Variants in ZNF469 observed in about 807,000 individuals in gnomAD.
ZNF469 encodes the protein zinc finger protein 469.
In ZNF469, 1 loss-of-function variant was observed where a neutral mutation model predicts 1.0. The observed-to-expected ratio is 1.00, with a 90% confidence interval of 0.35 to 4.73. The LOEUF (loss-of-function observed/expected upper bound fraction) is 4.73, where lower values mean the gene tolerates loss of function less well. ZNF469 is among the 30% of genes most tolerant of loss of function. ZNF469 has a pLI of 0.16. For missense variants in ZNF469, 6,100 were observed against 5,356.3 expected, an observed-to-expected ratio of 1.14 and a Z score of -4.33; for synonymous variants, 2,703 against 2,363.4, an observed-to-expected ratio of 1.14 and a Z score of -4.17.
the ZNF469 span, among the ~76,000 whole-genome samples, chr16:88,105,800 C>T: frequency 2.0e-5 from 3 of 152,214 alleles, no homozygotes; most frequent in African/African-American, 4.8e-5. Context: ...GATAACGGCA[C>T]GTGTGCTACG....
chr16:88,107,107 C>T, the ZNF469 span, among the ~76,000 whole-genome samples: 158 of 152,188 alleles, frequency 1.0e-3, no homozygotes, highest in Non-Finnish European at 1.9e-3. Flanking sequence ...CGGGAGGTGC[C>T]GTGACTGTCC....
At chr16:88,273,688 T>G in the ZNF469 span, among the ~76,000 whole-genome samples, 1 of 152,110 alleles carries the variant, frequency 6.6e-6, no homozygotes, top group East Asian at 1.9e-4. Context: ...CAAAGAAACA[T>G]CCGCACACCC....
At chr16:88,289,371 G>A in the ZNF469 span, among the ~76,000 whole-genome samples, 1 of 151,926 alleles carries the variant, frequency 6.6e-6, no homozygotes. Flanking sequence ...TGATGATGGT[G>A]ATGATGGTGA....
the ZNF469 span, among the ~76,000 whole-genome samples, chr16:88,188,599 A>C: frequency 1.3e-5 from 2 of 152,174 alleles, no homozygotes; most frequent in African/African-American, 2.4e-5. Context: ...CCCAGGCACC[A>C]CTGCCAGGGA....
In ZNF469 at chr16:88,424,776, G is replaced by A. The variant is rs1268949168; in HGVS notation, c.-191-31G>A. ...TTGGTCCAGAGCCATGCACCACATC[G>A]GCCCTGACATGCTTTCCATTTTCTT... On this transcript the variant is annotated intron_variant, in intron 1 of 2. Coordinates refer to ENST00000565624, the MANE Select transcript of ZNF469 (RefSeq NM_001367624.2). This position sits in a 1 kb window ranked among gnomAD's most constrained non-coding sequence, Gnocchi z 4.3. 1.3e-5 allele frequency among the ~76,000 whole-genome samples: 2 copies of A among 152,112 alleles called. No individual in the cohort carries two copies. Among genetic ancestry groups the A allele is most frequent in the East Asian group, 1.9e-4 (1 of 5,182 alleles).
At chr16:88,188,573 C>T in the ZNF469 span, among the ~76,000 whole-genome samples, 10 of 152,200 alleles carry the variant, frequency 6.6e-5, no homozygotes, top group African/African-American at 2.4e-4. Context: ...TCTGGGAGTC[C>T]TGTTCAACCT....
the ZNF469 span, among the ~76,000 whole-genome samples, chr16:88,198,574 T>C: frequency 6.6e-6 from 1 of 152,214 alleles, no homozygotes; most frequent in Non-Finnish European, 1.5e-5. Flanking sequence ...AATGTAAATG[T>C]CTACCCATGG....
chr16:88,286,581 C>T, the ZNF469 span, among the ~76,000 whole-genome samples: 65 of 152,396 alleles, frequency 4.3e-4, no homozygotes, highest in African/African-American at 1.5e-3. Context: ...CCTGCCAGGG[C>T]TTTGTCAGTG....
rs1275132253 is a variant in ZNF469, at chr16:88,438,487, C to G, written c.11017C>G (p.Pro3673Ala). Reference protein sequence around the residue: ...GAFHKGSATKPAGCQSSSKDR... With the variant: ...GAFHKGSATKAAGCQSSSKDR... ...CTTCCACAAGGGCAGCGCCACCAAG[C>G]CTGCGGGCTGCCAGAGCTCATCAAA... The change falls in exon 3 of 3, where the codon CCT becomes GCT. Residue 3673 changes from proline to alanine, a missense_variant. Transcript: ENST00000565624. 5.8e-6 allele frequency: 9 copies of G among 1,550,004 alleles called. No homozygotes were observed. Among genetic ancestry groups the G allele is most frequent in the Non-Finnish European group, 7.8e-6 (9 of 1,146,952 alleles).
At chr16:88,207,710 C>G in the ZNF469 span, among the ~76,000 whole-genome samples, 3 of 148,906 alleles carry the variant, frequency 2.0e-5, no homozygotes, top group Admixed American at 2.0e-4. Flanking sequence ...GGGCTGCTGG[C>G]TTCCTCGGCT....
chr16:88,430,080 C>G lies in ZNF469; in HGVS notation c.2610C>G (p.Asp870Glu). 2 of 1,550,358 alleles carry G rather than the reference C, an allele frequency of 1.3e-6. No individual in the cohort carries two copies. The highest frequency in any genetic ancestry group is 1.7e-6 in the Non-Finnish European group (2 of 1,146,966). ...IDSSFIDVFA[D>E]EEPSGPRGPS... ...GCAGCTTCATCGACGTCTTCGCGGA[C>G]GAGGAGCCTTCCGGCCCCAGAGGTC... The change falls in exon 3 of 3, where the codon GAC (aspartate) becomes GAG (glutamate). Residue 870 changes from aspartate to glutamate, a missense_variant. Asp to Glu is a conservative substitution (Grantham distance 45). Transcript: ENST00000565624.
chr16:88,138,974 G>A, the ZNF469 span, among the ~76,000 whole-genome samples: 2 of 152,376 alleles, frequency 1.3e-5, no homozygotes, highest in Middle Eastern at 3.4e-3. Context: ...ACGCTAGGCT[G>A]TGCTGACAGG....
the ZNF469 span, among the ~76,000 whole-genome samples, chr16:88,323,903 C>A: frequency 6.6e-6 from 1 of 152,202 alleles, no homozygotes. Context: ...CGTGGGGGTG[C>A]CCACCATTTC....
chr16:88,176,866 A>G, the ZNF469 span, among the ~76,000 whole-genome samples: 1 of 152,260 alleles, frequency 6.6e-6, no homozygotes, highest in Non-Finnish European at 1.5e-5. Flanking sequence ...CAGATGCAGC[A>G]CGGAACACGT....
In ZNF469 at chr16:88,433,351, G is replaced by T. The variant is rs993552128; in HGVS notation, c.5881G>T (p.Gly1961Cys). The change falls in exon 3 of 3, where the codon GGT (glycine) becomes TGT (cysteine). Residue 1961 changes from glycine to cysteine, a missense_variant. Physicochemically the swap from Gly to Cys is radical, Grantham distance 159. Transcript: ENST00000565624. Reference sequence around the variant, plus strand: ...TGGCCCCGCCCAGGGCTCCCCAGGGGGTGTGCAGGTGACAACTCTCCCTGC... The same window carrying T: ...TGGCCCCGCCCAGGGCTCCCCAGGGTGTGTGCAGGTGACAACTCTCCCTGC... ...ACGPAQGSPG[G>C]VQVTTLPAVA... is the part of the protein sequence containing the mutation. 2 of 1,550,282 alleles carry T rather than the reference G, an allele frequency of 1.3e-6. No homozygotes were observed. Among genetic ancestry groups the T allele is most frequent in the East Asian group, 2.4e-5 (1 of 40,916 alleles).
In ZNF469 at chr16:88,427,714, G is replaced by A. The variant is rs1310479112; in HGVS notation, c.244G>A (p.Ala82Thr). 1 of 1,534,558 alleles carries A rather than the reference G, an allele frequency of 6.5e-7. No homozygotes were observed. ...CAAGCCCCCATCCCTGAGAGGCCAG[G>A]CCCCGAGCAGCACCCCTGGGAAGAG... ...ELKPPSLRGQ[A>T]PSSTPGKRGS... The change falls in exon 3 of 3, where the codon GCC (alanine) becomes ACC (threonine). Residue 82 changes from alanine to threonine, a missense_variant. Transcript: ENST00000565624.
the ZNF469 span, among the ~76,000 whole-genome samples, chr16:88,260,570 G>A: frequency 6.6e-6 from 1 of 152,198 alleles, no homozygotes; most frequent in Non-Finnish European, 1.5e-5. The surrounding 1 kb of genome is among the most constrained non-coding windows in gnomAD (Gnocchi z 4.1). Context: ...TAGGAGAGTG[G>A]AGGGGCTTTA....
the ZNF469 span, among the ~76,000 whole-genome samples, chr16:88,276,970 G>A: frequency 1.2e-4 from 18 of 151,712 alleles, no homozygotes; most frequent in East Asian, 1.8e-3. Context: ...GCTGCGCCAC[G>A]CCAACACTCG....
the ZNF469 span, among the ~76,000 whole-genome samples, chr16:88,362,130 G>T: frequency 6.6e-6 from 1 of 151,946 alleles, no homozygotes; most frequent in Non-Finnish European, 1.5e-5. Context: ...GGATATTCTT[G>T]GTCCTTTACA....
Sources: allele counts gnomAD v4.1 joint callset (sites outside exome capture counted in the v4.1 genomes callset), GRCh38; gene constraint gnomAD v4.1.1; non-coding constraint Gnocchi (gnomAD v3.1); transcripts MANE v1.5; gene names NCBI Gene and HGNC (gene_info 2026-07-23, HGNC 2026-07-21).